The following UTRN variants were observed in gnomAD, a reference collection of about 807,000 sequenced individuals.
UTRN encodes utrophin.
In UTRN, 283 loss-of-function variants were observed where a neutral mutation model predicts 463.9. The observed-to-expected ratio is 0.61, with a 90% CI of 0.55 to 0.67. The LOEUF is 0.67. UTRN is among the 30% of genes least tolerant of loss of function. UTRN has a pLI of 0.00. For synonymous variants in UTRN, 1,442 were observed against 1,431.5 expected, an observed-to-expected ratio of 1.01 and a Z score of -0.17; for missense variants, 3,922 against 4,084.3, an observed-to-expected ratio of 0.96 and a Z score of 1.08.
chr6:144,403,215 T>C (rs1362698533), intron 3 of UTRN, 31 bp downstream of exon 3: 1 of 1,595,100 alleles, frequency 6.3e-7, no homozygotes, highest in Admixed American at 1.7e-5. Context: ...CTTCGATGGT[T>C]CAGATGCCGC....
chr6:144,380,093 T>G (rs1010082062), intron 2 of UTRN, among the ~76,000 whole-genome samples: 1 of 152,214 alleles, frequency 6.6e-6, no homozygotes, highest in Non-Finnish European at 1.5e-5. Context: ...AAAATTTTAA[T>G]TCTAAGTATG....
intron 53 of UTRN, among the ~76,000 whole-genome samples, chr6:144,701,056 G>A (rs1253724095): frequency 1.3e-5 from 2 of 152,102 alleles, no homozygotes; most frequent in Non-Finnish European, 2.9e-5. Flanking sequence ...ACAGGCGCAT[G>A]CCACCATGCC....
chr6:144,657,338 G>A (rs1198190759), intron 51 of UTRN, among the ~76,000 whole-genome samples: 2 of 151,820 alleles, frequency 1.3e-5, no homozygotes, highest in African/African-American at 4.8e-5. Context: ...CTGTATATAA[G>A]GGAGTTTTCG....
In UTRN at chr6:144,440,420, T is replaced by G; in HGVS notation, c.1461T>G (p.Val487=). The change falls in exon 13 of 75, where the codon GTT becomes GTG. Residue 487 remains valine (V), a synonymous_variant. Transcript: ENST00000367545. ...VNSLTHMVVI[V]DENSGESATA... ...CACTAACTCACATGGTGGTCATTGT[T>G]GATGAAAACAGTGGTGAGAGTGCTA... The G allele has an allele frequency of 6.2e-7, 1 of 1,614,176 alleles. No individual in the cohort carries two copies. Among genetic ancestry groups the G allele is most frequent in the Non-Finnish European group, 8.5e-7 (1 of 1,180,032 alleles).
chr6:144,711,083 C>A (rs539214905), intron 53 of UTRN, among the ~76,000 whole-genome samples: 1 of 152,066 alleles, frequency 6.6e-6, no homozygotes, highest in Non-Finnish European at 1.5e-5. Context: ...TTTGGGAAGC[C>A]GAGGCGGGTG....
Position 144,438,806 on chromosome 6 carries a change from A to C in UTRN, c.1303A>C (p.Thr435Pro). The change falls in exon 12 of 75, where the codon ACA becomes CCA. Residue 435 changes from threonine (T) to proline (P), a missense_variant. Transcript: ENST00000367545. ...ACTGCAGCAGCTCTCCGCCTGGTTA[A>C]CACTCACAGAGGAGCGCATTCAGAA... ...KQLQQLSAWL[T>P]LTEERIQKME... 6.2e-7 allele frequency: 1 copy of C among 1,614,240 alleles called. No homozygotes were observed. Among genetic ancestry groups the C allele is most frequent in the South Asian group, 1.1e-5 (1 of 91,088 alleles).
chr6:144,722,896 C>G (rs1787363564), intron 53 of UTRN, among the ~76,000 whole-genome samples: 1 of 152,154 alleles, frequency 6.6e-6, no homozygotes, highest in Non-Finnish European at 1.5e-5. Flanking sequence ...CTAGTAATCC[C>G]AGGTGGTACC....
chr6:144,469,621 G>A (rs1402811700), intron 23 of UTRN, among the ~76,000 whole-genome samples: 1 of 151,856 alleles, frequency 6.6e-6, no homozygotes, highest in Non-Finnish European at 1.5e-5. Context: ...ATTATAGTGT[G>A]GCTTTACAGG....
Position 144,522,081 on chromosome 6 carries a change from T to G in UTRN, c.5643T>G (p.Leu1881=), listed in dbSNP as rs760769097. 2.5e-6 allele frequency: 4 copies of G among 1,593,164 alleles called. No homozygotes were observed. The East Asian group carries it at 9.4e-5, about 37-fold the overall frequency. ...DYLVEINKIL[L]CMDDVELSLN... is the part of the protein sequence containing the mutation. ...TGGTTGAAATTAACAAAATTTTACTTTGCATGGATGATGTTGAATTATCGC... is the reference window on the plus strand; with the variant it reads ...TGGTTGAAATTAACAAAATTTTACTGTGCATGGATGATGTTGAATTATCGC... Residue 1881 remains leucine, a synonymous_variant, in exon 40 of 75, where the codon CTT becomes CTG. Transcript: ENST00000367545.
At chr6:144,306,432 T>G (rs1353813768) in intron 2 of UTRN, among the ~76,000 whole-genome samples, 1 of 151,890 alleles carries the variant, frequency 6.6e-6, no homozygotes, top group Non-Finnish European at 1.5e-5. Flanking sequence ...AAGCTTTAGG[T>G]AGGAGGCAGA....
At position 144,426,069 on chromosome 6, in the gene UTRN, G is replaced by C. The variant is rs140817122; in HGVS notation, c.406-218G>C. ...AGAAAACACAGTAATGTATAAAAGT[G>C]AGGTAAAAATCACCTCAAATTCTAG... On this transcript the variant is annotated intron_variant, in intron 6 of 74. Coordinates refer to ENST00000367545, the MANE Select transcript of UTRN (RefSeq NM_007124.3). Among the ~76,000 whole-genome samples, 3 of 152,286 alleles carry C rather than the reference G, an allele frequency of 2.0e-5. No individual in the cohort carries two copies. The East Asian group carries it at 5.8e-4, about 29-fold the overall frequency.
chr6:144,437,144 G>A (rs754731186), intron 10 of UTRN, among the ~76,000 whole-genome samples: 3 of 151,650 alleles, frequency 2.0e-5, no homozygotes, highest in Non-Finnish European at 4.4e-5. Context: ...AGTTAGAGAC[G>A]GGGTTTCACC....
intron 2 of UTRN, among the ~76,000 whole-genome samples, chr6:144,337,180 CACACACACACACACCACA>C (rs1385569144): frequency 8.5e-6 from 1 of 118,058 alleles, no homozygotes; most frequent in African/African-American, 4.8e-5. Flanking sequence ...CACACACAGA[CACACACACACACACCACA>C]CACACACACA....
intron 23 of UTRN, among the ~76,000 whole-genome samples, chr6:144,468,281 C>T (rs773230216): frequency 2.0e-5 from 3 of 152,074 alleles, no homozygotes; most frequent in East Asian, 3.9e-4. Context: ...GTTCCTTGTC[C>T]GTGATCCCAT....
At chr6:144,721,294 C>T (rs563871458) in intron 53 of UTRN, among the ~76,000 whole-genome samples, 1 of 152,274 alleles carries the variant, frequency 6.6e-6, no homozygotes, top group African/African-American at 2.4e-5. Flanking sequence ...TCACTGTAGC[C>T]TCAAACTCCT....
Position 144,533,115 on chromosome 6 carries a change from C to T in UTRN, c.6088C>T (p.Pro2030Ser), listed in dbSNP as rs192445587. 17 of 1,613,252 alleles carry T rather than the reference C, an allele frequency of 1.1e-5. No individual in the cohort carries two copies. The East Asian group carries it at 3.8e-4, about 36-fold the overall frequency. Residue 2030 changes from proline (P) to serine (S), a missense_variant, in exon 43 of 75, where the codon CCC becomes TCC. By Grantham distance (74) the Pro-to-Ser change is moderately conservative (BLOSUM62 -1). This residue lies in a region of UTRN where 2,349 missense variants were observed against 2,303.8 expected (regional missense o/e 1.02). Transcript: ENST00000367545. ...ELEVGISSHQ[P>S]SFAALNRTGD... is the part of the protein sequence containing the mutation. ...TGAGGTGGGCATCAGCAGCCACCAG[C>T]CCAGTTTTGCAGCACTAAACCGAAC...
intron 2 of UTRN, among the ~76,000 whole-genome samples, chr6:144,335,080 T>TC (rs754240758): frequency 6.6e-5 from 10 of 152,236 alleles, no homozygotes; most frequent in Non-Finnish European, 1.3e-4. Context: ...GTTACGGTAG[T>TC]CTAACATTCC....
At chr6:144,455,601 G>C (rs1788737795) in intron 19 of UTRN, among the ~76,000 whole-genome samples, 1 of 152,166 alleles carries the variant, frequency 6.6e-6, no homozygotes, top group African/African-American at 2.4e-5. Flanking sequence ...ATGAAGATGG[G>C]GGAGACTTGA....
chr6:144,727,874 G>A (rs1038314274), intron 53 of UTRN, among the ~76,000 whole-genome samples: 1 of 152,150 alleles, frequency 6.6e-6, no homozygotes, highest in Non-Finnish European at 1.5e-5. Context: ...TGGATCACCT[G>A]AGGTCTGGAG....
Sources: gnomAD v4.1 joint callset for allele counts (sites outside exome capture counted in the v4.1 genomes callset) on GRCh38, gnomAD v4.1.1 for gene constraint, gnomAD v4.1.1 regional missense constraint, MANE v1.5 for transcripts, NCBI Gene and HGNC (gene_info 2026-07-23, HGNC 2026-07-21) for gene names.